NRP1: variants seen among roughly 807,000 people sequenced by gnomAD.
NRP1 encodes neuropilin 1.
A neutral mutation model predicts 106.7 loss-of-function variants in NRP1; 35 were observed. The ratio of observed to expected loss-of-function variants is 0.33; its 90% confidence interval spans 0.25 to 0.43. The LOEUF (loss-of-function observed/expected upper bound fraction) is 0.43, where lower values mean the gene tolerates loss of function less well. Among genes scored for constraint, NRP1 ranks in the 20% least tolerant of loss-of-function variants. The pLI is 1.00. For missense variants in NRP1, 1,024 were observed against 1,170.4 expected, an observed-to-expected ratio of 0.87 and a Z score of 1.83; for synonymous variants, 437 against 417.9, an observed-to-expected ratio of 1.05 and a Z score of -0.56.
In NRP1 at chr10:33,244,285, T is replaced by C. The variant is rs1841254695; in HGVS notation, c.981+9743A>G. ...TATTTAAAGCTTAGGAGTTGGTGTG[T>C]TACCTCACACGCGACATAAATGTAG... On this transcript the variant is annotated intron_variant, in intron 6 of 16. Coordinates refer to ENST00000374867, the MANE Select transcript of NRP1 (RefSeq NM_003873.7). 2.0e-5 allele frequency among the ~76,000 whole-genome samples: 3 copies of C among 152,176 alleles called. No individual in the cohort carries two copies. The South Asian group carries it at 6.2e-4, about 32-fold the overall frequency.
chr10:33,323,204 CCTT>C (rs1017701443), intron 2 of NRP1, among the ~76,000 whole-genome samples: 2 of 151,296 alleles, frequency 1.3e-5, no homozygotes, highest in African/African-American at 4.8e-5. Context: ...GCCCCCCCAT[CCTT>C]CTGTGTTTTA....
At chr10:33,307,485 T>A (rs776926137) in intron 2 of NRP1, among the ~76,000 whole-genome samples, 1 of 151,458 alleles carries the variant, frequency 6.6e-6, no homozygotes, top group Admixed American at 6.6e-5. Context: ...ATTTGTGCCA[T>A]AAAAAAAAAT....
At chr10:33,203,511 A>G (rs534974697) in intron 10 of NRP1, among the ~76,000 whole-genome samples, 3 of 152,138 alleles carry the variant, frequency 2.0e-5, no homozygotes, top group East Asian at 3.9e-4. Flanking sequence ...AAAAAAAAAC[A>G]AAAAAACTAA....
rs554101042 is a variant in NRP1, at chr10:33,309,860, T to C, written c.248+20848A>G. On this transcript the variant is annotated intron_variant, in intron 2 of 16. Coordinates refer to ENST00000374867, the MANE Select transcript of NRP1 (RefSeq NM_003873.7). The stretch of plus-strand genomic sequence containing the variant: ...GTCCAGCTTTGCCCAGTTTCCCGTT[T>C]CTCAAGTTCTTTTTTGCACATCTCT... Among the ~76,000 whole-genome samples, 4 of 152,342 alleles carry C rather than the reference T, an allele frequency of 2.6e-5. No homozygotes were observed. In the South Asian group the frequency reaches 6.2e-4, roughly 24 times the overall value.
At chr10:33,213,029 G>C (rs1394238541) in intron 9 of NRP1, 2 of 565,100 alleles carry the variant, frequency 3.5e-6, no homozygotes, top group Middle Eastern at 3.9e-4. Context: ...TTTGAGATGG[G>C]GGGAGGGCAG....
chr10:33,260,687 A>G (rs1024191701), intron 4 of NRP1, among the ~76,000 whole-genome samples: 1 of 152,198 alleles, frequency 6.6e-6, no homozygotes, highest in Non-Finnish European at 1.5e-5. Flanking sequence ...ATACAGCTTC[A>G]AACACAGTGA....
At chr10:33,193,752 C>A (rs1836579886) in intron 12 of NRP1, among the ~76,000 whole-genome samples, 2 of 152,146 alleles carry the variant, frequency 1.3e-5, no homozygotes, top group Non-Finnish European at 2.9e-5. Context: ...ATGGCCCCTC[C>A]CCCAATGGCA....
chr10:33,297,394 T>A (rs577888111), intron 2 of NRP1, among the ~76,000 whole-genome samples: 93 of 152,194 alleles, frequency 6.1e-4, no homozygotes, highest in Non-Finnish European at 1.2e-3. Context: ...CTTACGTGGC[T>A]AAAGTACATG....
chr10:33,269,021 T>G (rs1019378032), intron 3 of NRP1, among the ~76,000 whole-genome samples: 1 of 152,216 alleles, frequency 6.6e-6, no homozygotes, highest in Admixed American at 6.5e-5. Flanking sequence ...TTCTCAGTTA[T>G]CATGAACCCA....
At chr10:33,288,793 AT>A (rs765852959) in intron 2 of NRP1, among the ~76,000 whole-genome samples, 1 of 152,172 alleles carries the variant, frequency 6.6e-6, no homozygotes, top group Non-Finnish European at 1.5e-5. Context: ...TAACCTGTAA[AT>A]GTTCCTCTCC....
At chr10:33,281,504 A>C (rs1211412814) in intron 2 of NRP1, among the ~76,000 whole-genome samples, 2 of 152,224 alleles carry the variant, frequency 1.3e-5, no homozygotes, top group Non-Finnish European at 2.9e-5. Context: ...TCCATTAAGA[A>C]GGATCACCAT....
At chr10:33,277,239 G>C (rs371104975) in intron 2 of NRP1, among the ~76,000 whole-genome samples, 2 of 152,202 alleles carry the variant, frequency 1.3e-5, no homozygotes, top group Non-Finnish European at 2.9e-5. Context: ...GTGACAGAGA[G>C]AGACAGACAC....
At chr10:33,204,327 T>TAC (rs2132717933) in intron 10 of NRP1, among the ~76,000 whole-genome samples, 1 of 152,286 alleles carries the variant, frequency 6.6e-6, no homozygotes, top group South Asian at 2.1e-4. Context: ...GGCCCAAAGA[T>TAC]ACACACCAGT....
At chr10:33,214,049 A>C (rs1838549031) in intron 8 of NRP1, among the ~76,000 whole-genome samples, 1 of 152,194 alleles carries the variant, frequency 6.6e-6, no homozygotes, top group African/African-American at 2.4e-5. Context: ...GCCCTGCTTA[A>C]GAGAAGTTCA....
intron 8 of NRP1, among the ~76,000 whole-genome samples, chr10:33,216,140 C>CTTTTTT (rs71521489): frequency 7.2e-6 from 1 of 139,026 alleles, no homozygotes; most frequent in African/African-American, 2.6e-5. Flanking sequence ...TTCTTTCTTT[C>CTTTTTT]TTTTTTTTTT....
intron 8 of NRP1, among the ~76,000 whole-genome samples, chr10:33,219,873 C>G (rs1205308930): frequency 6.6e-6 from 1 of 152,106 alleles, no homozygotes; most frequent in East Asian, 1.9e-4. Context: ...AATTTCCACC[C>G]AAACCTCAAA....
intron 2 of NRP1, among the ~76,000 whole-genome samples, chr10:33,297,801 A>G (rs1361893252): frequency 1.3e-5 from 2 of 152,030 alleles, no homozygotes; most frequent in South Asian, 2.1e-4. Flanking sequence ...CAGAGGGAGA[A>G]GGAGGAGAGG....
intron 10 of NRP1, chr10:33,205,337 A>G (rs897427713): frequency 2.0e-5 from 3 of 152,208 alleles, no homozygotes; most frequent in Non-Finnish European, 2.9e-5. Context: ...CCCTTCACCG[A>G]TCATTTCTAC....
intron 16 of NRP1, among the ~76,000 whole-genome samples, chr10:33,181,124 G>T (rs771258203): frequency 6.6e-6 from 1 of 152,228 alleles, no homozygotes; most frequent in Non-Finnish European, 1.5e-5. Context: ...TGGAACAGGA[G>T]AAATTGTTAA....
Sources: gnomAD v4.1 joint callset for allele counts (sites outside exome capture counted in the v4.1 genomes callset) on GRCh38, gnomAD v4.1.1 for gene constraint, MANE v1.5 for transcripts, NCBI Gene and HGNC (gene_info 2026-07-23, HGNC 2026-07-21) for gene names.